Variants in RIMS1 observed in about 807,000 individuals in gnomAD.
The protein encoded by RIMS1 is regulating synaptic membrane exocytosis protein 1.
A neutral mutation model predicts 214.1 loss-of-function variants in RIMS1; 83 were observed. The ratio of observed to expected loss-of-function variants is 0.39; its 90% CI spans 0.32 to 0.47. The LOEUF is 0.47. Among genes scored for constraint, RIMS1 ranks in the 20% least tolerant of loss-of-function variants. The pLI is 0.99. For synonymous variants in RIMS1, 793 were observed against 786.8 expected, an observed-to-expected ratio of 1.01 and a Z score of -0.13; for missense variants, 2,050 against 2,161.8, an observed-to-expected ratio of 0.95 and a Z score of 1.03.
chr6:71,896,514 G>A (rs1352320123), intron 1 of RIMS1, among the ~76,000 whole-genome samples: 1 of 152,018 alleles, frequency 6.6e-6, no homozygotes, highest in Non-Finnish European at 1.5e-5. Context: ...TTCCATAAAT[G>A]CAGCATAGTT....
chr6:72,256,502 A>C (rs1271632662), intron 16 of RIMS1, among the ~76,000 whole-genome samples: 2 of 152,108 alleles, frequency 1.3e-5, no homozygotes, highest in African/African-American at 2.4e-5. Context: ...ATTCTCTAAA[A>C]TTTATTCTGT....
At chr6:71,919,122 G>C (rs1462342960) in intron 1 of RIMS1, among the ~76,000 whole-genome samples, 1 of 152,108 alleles carries the variant, frequency 6.6e-6, no homozygotes, top group Non-Finnish European at 1.5e-5. Flanking sequence ...GGGGAAAAGA[G>C]TCAAGTTAGG....
intron 29 of RIMS1, among the ~76,000 whole-genome samples, chr6:72,351,077 A>G (rs185909554): frequency 1.3e-5 from 2 of 152,228 alleles, no homozygotes; most frequent in East Asian, 1.9e-4. Flanking sequence ...TAAACATTTC[A>G]TATTTATATA....
At chr6:72,344,586 G>A (rs903332349) in intron 29 of RIMS1, among the ~76,000 whole-genome samples, 1 of 151,764 alleles carries the variant, frequency 6.6e-6, no homozygotes, top group Non-Finnish European at 1.5e-5. Context: ...TCTGAAGAAT[G>A]TAATATTTCA....
chr6:72,347,384 C>T (rs1036575879), intron 29 of RIMS1, among the ~76,000 whole-genome samples: 1 of 151,808 alleles, frequency 6.6e-6, no homozygotes, highest in East Asian at 1.9e-4. Context: ...TCTGTATTCC[C>T]TTTCTTTCTG....
chr6:72,356,359 T>C (rs2154377407), intron 29 of RIMS1, among the ~76,000 whole-genome samples: 1 of 151,826 alleles, frequency 6.6e-6, no homozygotes, highest in East Asian at 1.9e-4. Flanking sequence ...CTGAAAGGCC[T>C]CTAATGGCAA....
chr6:72,390,022 C>T (rs1235468012), intron 29 of RIMS1, among the ~76,000 whole-genome samples: 6 of 152,186 alleles, frequency 3.9e-5, no homozygotes, highest in African/African-American at 1.2e-4. Context: ...CACCTAACTC[C>T]ATAATCTATA....
intron 6 of RIMS1, among the ~76,000 whole-genome samples, chr6:72,208,919 T>C (rs1170779297): frequency 1.3e-5 from 2 of 152,156 alleles, no homozygotes; most frequent in East Asian, 1.9e-4. Flanking sequence ...ATCCAGTAAT[T>C]GCCTCAATTA....
At chr6:72,151,216 G>A (rs1316900519) in intron 4 of RIMS1, among the ~76,000 whole-genome samples, 2 of 151,868 alleles carry the variant, frequency 1.3e-5, no homozygotes, top group Admixed American at 6.6e-5. Flanking sequence ...CTAATTTTTT[G>A]TATTTTTAGT....
chr6:72,146,284 G>A (rs775400216), intron 4 of RIMS1, among the ~76,000 whole-genome samples: 1 of 152,166 alleles, frequency 6.6e-6, no homozygotes, highest in Non-Finnish European at 1.5e-5. Context: ...TCTGTCACGT[G>A]TCTTTCCCTT....
chr6:71,983,269 A>G (rs2151500435), intron 2 of RIMS1, among the ~76,000 whole-genome samples: 1 of 152,080 alleles, frequency 6.6e-6, no homozygotes, highest in African/African-American at 2.4e-5. Context: ...TTGTTGTAAA[A>G]AAGGGTCAAT....
At chr6:72,232,962 G>T (rs567157786) in intron 6 of RIMS1, among the ~76,000 whole-genome samples, 1 of 151,844 alleles carries the variant, frequency 6.6e-6, no homozygotes, top group Admixed American at 6.6e-5. Flanking sequence ...TCTATGCAGA[G>T]AAAAATTTTA....
intron 22 of RIMS1, among the ~76,000 whole-genome samples, chr6:72,271,968 A>G (rs1241375407): frequency 1.3e-5 from 2 of 152,160 alleles, no homozygotes; most frequent in African/African-American, 2.4e-5. Flanking sequence ...TCACAGTGAA[A>G]GGAGTGGGCT....
intron 33 of RIMS1, 51 bp from the exon 34 acceptor site, chr6:72,400,445 A>AT: frequency 1.3e-6 from 2 of 1,519,588 alleles, no homozygotes; most frequent in South Asian, 2.2e-5. Flanking sequence ...AGCCCTTCGA[A>AT]TGTGAAGCAG....
chr6:72,256,292 A>G (rs1001430991), intron 16 of RIMS1, among the ~76,000 whole-genome samples: 3 of 152,114 alleles, frequency 2.0e-5, no homozygotes, highest in Non-Finnish European at 4.4e-5. Context: ...AGTCACCAAA[A>G]TAGTACACAT....
intron 1 of RIMS1, among the ~76,000 whole-genome samples, chr6:71,929,011 G>C (rs887231700): frequency 5.9e-5 from 9 of 152,080 alleles, no homozygotes; most frequent in Non-Finnish European, 1.2e-4. Flanking sequence ...CTATTTTTTG[G>C]TAAGAGACTG....
chr6:72,119,539 C>T (rs2037789525), intron 4 of RIMS1, among the ~76,000 whole-genome samples: 1 of 151,630 alleles, frequency 6.6e-6, no homozygotes, highest in Non-Finnish European at 1.5e-5. Context: ...ATCACATTAC[C>T]CAACTTCAAA....
chr6:72,192,251 A>C (rs2050186171), intron 6 of RIMS1, among the ~76,000 whole-genome samples: 1 of 152,204 alleles, frequency 6.6e-6, no homozygotes, highest in African/African-American at 2.4e-5. Context: ...CCCTGGAATC[A>C]ATGTCAGCTC....
At chr6:72,211,625 A>G (rs1438399252) in intron 6 of RIMS1, among the ~76,000 whole-genome samples, 1 of 152,094 alleles carries the variant, frequency 6.6e-6, no homozygotes, top group Admixed American at 6.6e-5. Flanking sequence ...GAAAATCAAT[A>G]CATTATTGAT....
Sources: gnomAD v4.1 joint callset for allele counts (sites outside exome capture counted in the v4.1 genomes callset) on GRCh38, gnomAD v4.1.1 for gene constraint, MANE v1.5 for transcripts, NCBI Gene and HGNC (gene_info 2026-07-23, HGNC 2026-07-21) for gene names.